The following OXR1 variants were observed in gnomAD, a reference collection of about 807,000 sequenced individuals.
OXR1 encodes the protein oxidation resistance protein 1.
A neutral mutation model predicts 104.6 loss-of-function variants in OXR1; 41 were observed. That is an observed-to-expected ratio of 0.39 (90% confidence interval 0.31 to 0.51). The LOEUF is 0.51. OXR1 is among the 20% of genes least tolerant of loss of function. OXR1 has a pLI of 0.77. For synonymous variants in OXR1, 348 were observed against 348.4 expected (o/e 1.00, Z 0.01); for missense variants, 955 against 1,031.9 (o/e 0.93, Z 1.02).
chr8:106,593,825 G>A (rs142412151), intron 3 of OXR1, among the ~76,000 whole-genome samples: 1 of 152,150 alleles, frequency 6.6e-6, no homozygotes, highest in African/African-American at 2.4e-5. Flanking sequence ...GTTGTGGAAA[G>A]TAAGATGAAA....
chr8:106,704,313 G>GGA (rs3046757), intron 8 of OXR1, among the ~76,000 whole-genome samples: 54 of 147,618 alleles, frequency 3.7e-4, no homozygotes, highest in Non-Finnish European at 4.8e-4. Flanking sequence ...ATACATATAT[G>GGA]GAGAGAGAGA....
chr8:106,573,344 T>TACACACACACACACACAC (rs3046716), intron 3 of OXR1, among the ~76,000 whole-genome samples: 1 of 146,644 alleles, frequency 6.8e-6, no homozygotes, highest in Non-Finnish European at 1.5e-5. Context: ...AACCATCACA[T>TACACACACACACACACAC]ACACACACAC....
At chr8:106,616,472 T>C (rs1003758801) in intron 3 of OXR1, among the ~76,000 whole-genome samples, 5 of 152,056 alleles carry the variant, frequency 3.3e-5, no homozygotes, top group African/African-American at 7.2e-5. Context: ...AGGAACCAAA[T>C]AGAGTTTGTA....
intron 2 of OXR1, among the ~76,000 whole-genome samples, chr8:106,441,743 T>C (rs1277681732): frequency 2.0e-5 from 3 of 152,224 alleles, no homozygotes; most frequent in Non-Finnish European, 4.4e-5. Flanking sequence ...AAAGGAATGC[T>C]TGTGATTTTC....
chr8:106,706,099 C>A (rs1224609328), intron 8 of OXR1, among the ~76,000 whole-genome samples: 38 of 152,082 alleles, frequency 2.5e-4, no homozygotes, highest in Non-Finnish European at 2.9e-5. Context: ...AAGTTCCCTT[C>A]AAGTGGATTA....
At chr8:106,580,496 C>T (rs566778996) in intron 3 of OXR1, among the ~76,000 whole-genome samples, 1 of 152,310 alleles carries the variant, frequency 6.6e-6, no homozygotes, top group African/African-American at 2.4e-5. Flanking sequence ...TTTGATGCCA[C>T]TTCTTGGCAA....
chr8:106,393,253 A>G (rs1369382629), intron 2 of OXR1, among the ~76,000 whole-genome samples: 1 of 152,198 alleles, frequency 6.6e-6, no homozygotes, highest in Non-Finnish European at 1.5e-5. Flanking sequence ...AAGTAAGTCA[A>G]CACAAATTTC....
In OXR1 at chr8:106,695,948, A is replaced by G. The variant is rs534177101; in HGVS notation, c.675+3071A>G. On this transcript the variant is annotated intron_variant, in intron 7 of 16. Transcript: ENST00000517566. ...TATTAACATCTTGCTTTTGTGTGCT[A>G]TATTTGTTTCAATCAATGAAGCAGT... 3.8e-4 allele frequency among the ~76,000 whole-genome samples: 58 copies of G among 152,172 alleles called. No homozygotes were observed. In the South Asian group the frequency reaches 8.7e-3, roughly 23 times the overall value.
chr8:106,733,402 TC>T (rs1276378259), intron 11 of OXR1, among the ~76,000 whole-genome samples: 2 of 152,212 alleles, frequency 1.3e-5, no homozygotes, highest in African/African-American at 4.8e-5. Context: ...TTATTGACCT[TC>T]TGAAAGATTA....
chr8:106,510,700 G>GT (rs200845378), intron 2 of OXR1, among the ~76,000 whole-genome samples: 3,409 of 152,072 alleles, frequency 0.022, 123 homozygotes, highest in African/African-American at 0.077. Flanking sequence ...AGAATTTCTT[G>GT]TTTTTTTGTT....
intron 3 of OXR1, among the ~76,000 whole-genome samples, chr8:106,638,146 C>CCAG (rs1333960570): frequency 6.6e-6 from 1 of 152,150 alleles, no homozygotes; most frequent in Non-Finnish European, 1.5e-5. Flanking sequence ...AAAAAGAAGT[C>CCAG]CAGCCTCCTT....
At chr8:106,708,228 C>CA (rs35088068) in intron 9 of OXR1, among the ~76,000 whole-genome samples, 7 of 150,750 alleles carry the variant, frequency 4.6e-5, no homozygotes, top group Admixed American at 1.3e-4. Flanking sequence ...CCTGTTTCTA[C>CA]AAAAAAAAAT....
At chr8:106,714,530 G>A (rs978524394) in intron 11 of OXR1, among the ~76,000 whole-genome samples, 1 of 152,036 alleles carries the variant, frequency 6.6e-6, no homozygotes, top group Non-Finnish European at 1.5e-5. Flanking sequence ...TAAAGTAGTA[G>A]AAATTTTATA....
In OXR1 at chr8:106,412,428, G is replaced by A. The variant is rs148106919; in HGVS notation, c.23+52792G>A. ...AAGCCAAATCTTGGAAACAATTTCTGGACTTCTTTAAAATTGTCACCATAA... is the reference window on the plus strand; with the variant it reads ...AAGCCAAATCTTGGAAACAATTTCTAGACTTCTTTAAAATTGTCACCATAA... On this transcript the variant is annotated intron_variant, in intron 2 of 16. Coordinates refer to ENST00000517566, the MANE Select transcript of OXR1 (RefSeq NM_001198533.2). Among the ~76,000 whole-genome samples the A allele has an allele frequency of 4.1e-3, 624 of 152,130 alleles. 3 individuals are homozygous for A. The highest frequency in any genetic ancestry group is 0.014 in the African/African-American group (590 of 41,522).
intron 3 of OXR1, among the ~76,000 whole-genome samples, chr8:106,519,371 G>T (rs1233032211): frequency 6.6e-6 from 1 of 152,156 alleles, no homozygotes; most frequent in Admixed American, 6.5e-5. Context: ...TCCTAACCTA[G>T]GGGAAGTAAA....
chr8:106,617,558 A>G (rs1394781867), intron 3 of OXR1, among the ~76,000 whole-genome samples: 1 of 152,218 alleles, frequency 6.6e-6, no homozygotes, highest in Non-Finnish European at 1.5e-5. Flanking sequence ...AAAAAAGACT[A>G]AAATAAATAA....
rs767097540 is a variant in OXR1, at chr8:106,737,592, C to A, written c.2029C>A (p.Arg677Ser). The A allele has an allele frequency of 1.4e-6, 2 of 1,392,288 alleles. No individual in the cohort carries two copies. The highest frequency in any genetic ancestry group is 1.9e-6 in the Non-Finnish European group (2 of 1,061,618). The allele number at this position is 1,392,288 out of a possible 1,614,324, so 86.2% of individuals were successfully genotyped here. The change falls in exon 12 of 17, where the codon CGC becomes AGC. Residue 677 changes from arginine to serine, a missense_variant. Around this residue, in one of 2 missense-constraint regions of OXR1, gnomAD observed 849 missense variants for 852.9 expected, o/e 1.00. Transcript: ENST00000517566. The part of the protein sequence containing the change: ...NTEELRTLCR[R>S]LQITTREDIN... The stretch of plus-strand genomic sequence containing the variant: ...TGAAGAACTGCGCACACTCTGCAGA[C>A]GCCTCCAGGTGCCCCCTTCAGTAGT...
intron 2 of OXR1, among the ~76,000 whole-genome samples, chr8:106,508,919 T>A (rs57438767): frequency 0.023 from 3,503 of 152,290 alleles, 143 homozygotes; most frequent in African/African-American, 0.079. Flanking sequence ...TGGAGTTGCC[T>A]TATGTTGTGC....
rs373394306 is a variant in OXR1 at position 106,341,729 on chromosome 8, C to G, written c.-138-17747C>G. 2.0e-4 allele frequency among the ~76,000 whole-genome samples: 31 copies of G among 152,140 alleles called. No individual in the cohort carries two copies. In the East Asian group the frequency reaches 3.3e-3, roughly 16 times the overall value. On this transcript the variant is annotated intron_variant, in intron 1 of 16. Transcript: ENST00000517566. ...CATACATTTGCTTAGTCATAAGTAC[C>G]ACTGTTTCCCATTTTCCCATTTCTG... is the stretch of plus-strand genomic sequence containing the variant.
Sources: gnomAD v4.1 joint callset for allele counts (sites outside exome capture counted in the v4.1 genomes callset) on GRCh38, gnomAD v4.1.1 for gene constraint, gnomAD v4.1.1 regional missense constraint, MANE v1.5 for transcripts, NCBI Gene and HGNC (gene_info 2026-07-23, HGNC 2026-07-21) for gene names.